The following DLG1 variants were observed in gnomAD, a reference collection of about 807,000 sequenced individuals.
DLG1 encodes discs large MAGUK scaffold protein 1.
In DLG1, 42 loss-of-function variants were observed where a neutral mutation model predicts 123.4. The ratio of observed to expected loss-of-function variants is 0.34; its 90% confidence interval spans 0.27 to 0.44. The LOEUF (loss-of-function observed/expected upper bound fraction) is 0.44. Among genes scored for constraint, DLG1 ranks in the 20% least tolerant of loss-of-function variants. The pLI is 1.00. For missense variants in DLG1, 942 were observed against 1,082.6 expected (o/e 0.87, Z 1.82); for synonymous variants, 317 against 356.2 (o/e 0.89, Z 1.24).
At chr3:197,069,003 A>G (rs1741640322) in intron 19 of DLG1, among the ~76,000 whole-genome samples, 1 of 122,702 alleles carries the variant, frequency 8.1e-6, no homozygotes. Context: ...ATGTACACAA[A>G]TAATATTTTT....
chr3:197,218,591 T>C (rs1002628984), intron 4 of DLG1, among the ~76,000 whole-genome samples: 5 of 152,224 alleles, frequency 3.3e-5, no homozygotes, highest in Admixed American at 1.3e-4. Context: ...GCAAGACTAA[T>C]AAGCAATCAG....
At chr3:197,110,110 C>A (rs912076425) in intron 13 of DLG1, among the ~76,000 whole-genome samples, 1 of 152,142 alleles carries the variant, frequency 6.6e-6, no homozygotes, top group Non-Finnish European at 1.5e-5. Flanking sequence ...CTTTCACATA[C>A]TCCCATTATG....
intron 4 of DLG1, among the ~76,000 whole-genome samples, chr3:197,207,894 C>T (rs1434630811): frequency 1.4e-5 from 2 of 144,180 alleles, no homozygotes; most frequent in East Asian, 4.0e-4. Context: ...TAACAAAGAC[C>T]TATATAGCTG....
chr3:197,075,076 GA>G (rs1415587885), intron 18 of DLG1, among the ~76,000 whole-genome samples: 1 of 151,836 alleles, frequency 6.6e-6, no homozygotes, highest in Non-Finnish European at 1.5e-5. Context: ...TAAGCAATTT[GA>G]AAACATGCAA....
intron 4 of DLG1, among the ~76,000 whole-genome samples, chr3:197,208,919 A>G (rs1729971210): frequency 6.8e-6 from 1 of 146,254 alleles, no homozygotes. Flanking sequence ...AATGAAAAAA[A>G]TTTTAATGAG....
chr3:197,181,744 TC>T (rs1712136618), intron 5 of DLG1, among the ~76,000 whole-genome samples: 2 of 150,930 alleles, frequency 1.3e-5, no homozygotes, highest in Admixed American at 6.6e-5. Context: ...ACCCTAATAC[TC>T]CTATTTCTAG....
At chr3:197,139,338 A>G (rs1786767788) in intron 8 of DLG1, among the ~76,000 whole-genome samples, 1 of 152,180 alleles carries the variant, frequency 6.6e-6, no homozygotes, top group South Asian at 2.1e-4. Flanking sequence ...ATTAATTTTT[A>G]TATCTATTTG....
chr3:197,167,342 C>T (rs1353704961), intron 5 of DLG1, among the ~76,000 whole-genome samples: 2 of 152,276 alleles, frequency 1.3e-5, no homozygotes, highest in Non-Finnish European at 2.9e-5. Flanking sequence ...CCAAGTGAAA[C>T]GTCCATTCCA....
intron 14 of DLG1, among the ~76,000 whole-genome samples, chr3:197,093,991 C>T (rs1759252116): frequency 6.6e-6 from 1 of 152,180 alleles, no homozygotes; most frequent in Admixed American, 6.5e-5. Context: ...AAGCTTTTGC[C>T]TGGTTCTTCT....
At chr3:197,061,912 T>G (rs1378684803) in intron 22 of DLG1, among the ~76,000 whole-genome samples, 3 of 152,230 alleles carry the variant, frequency 2.0e-5, no homozygotes, top group Non-Finnish European at 4.4e-5. Flanking sequence ...ACTTTGAGAC[T>G]ATATAAATAT....
intron 22 of DLG1, 145 bp downstream of exon 22, chr3:197,065,131 T>C (rs1560423477): frequency 1.0e-5 from 7 of 685,210 alleles, no homozygotes; most frequent in Non-Finnish European, 1.3e-5. Context: ...TGCACTTTCC[T>C]AAGCCATGGA....
chr3:197,274,005 A>G (rs1765201859), intron 4 of DLG1, among the ~76,000 whole-genome samples: 1 of 152,210 alleles, frequency 6.6e-6, no homozygotes, highest in Non-Finnish European at 1.5e-5. Flanking sequence ...GGAAAAACTA[A>G]TATTGTTAAA....
At chr3:197,066,595 T>TAAA in intron 20 of DLG1, 109 bp downstream of exon 20, 1 of 693,738 alleles carries the variant, frequency 1.4e-6, no homozygotes, top group South Asian at 2.3e-5. Flanking sequence ...GTATATGTAG[T>TAAA]AAAAAAAAAT....
chr3:197,166,421 A>C (rs556639952), intron 5 of DLG1, among the ~76,000 whole-genome samples: 1 of 152,328 alleles, frequency 6.6e-6, no homozygotes, highest in South Asian at 2.1e-4. Context: ...GTATTGGTAT[A>C]AACAGTTTTC....
intron 19 of DLG1, chr3:197,068,530 C>G (rs1207421247): frequency 2.5e-6 from 4 of 1,580,812 alleles, no homozygotes; most frequent in Non-Finnish European, 3.4e-6. Flanking sequence ...CATCTGTAAT[C>G]AAGATTACTT....
chr3:197,261,436 T>C (rs954836594), intron 4 of DLG1, among the ~76,000 whole-genome samples: 3 of 152,234 alleles, frequency 2.0e-5, no homozygotes, highest in Non-Finnish European at 4.4e-5. Context: ...GGTGAGATCC[T>C]GTCTGTAAAA....
Position 197,043,757 on chromosome 3 carries a change from T to C in DLG1, c.*866A>G, listed in dbSNP as rs1377006738. 2 of 152,046 alleles carry C rather than the reference T, an allele frequency of 1.3e-5. No individual in the cohort carries two copies. The highest frequency in any genetic ancestry group is 1.9e-4 in the East Asian group (1 of 5,198). The allele number at this position is 152,046 out of a possible 1,614,324, so 9.4% of individuals were successfully genotyped here. A position where few individuals can be genotyped will look rare whatever the true frequency, so the allele number is the denominator to read the frequency against. On this transcript the variant is annotated 3_prime_UTR_variant, in exon 25 of 25. Transcript: ENST00000667157. ...AGAATACATTTGAAGTTTTAGGCTATGAATTGGACTCCTTTCCATTGCCAT... is the reference window on the plus strand; with the variant it reads ...AGAATACATTTGAAGTTTTAGGCTACGAATTGGACTCCTTTCCATTGCCAT...
At chr3:197,070,074 T>C (rs1742548294) in intron 18 of DLG1, 3 of 152,184 alleles carry the variant, frequency 2.0e-5, no homozygotes, top group Admixed American at 2.0e-4. Context: ...CACGACTTTA[T>C]TGTTTGGTAA....
chr3:197,158,566 G>A (rs892115103), intron 5 of DLG1, among the ~76,000 whole-genome samples: 1 of 149,110 alleles, frequency 6.7e-6, no homozygotes, highest in Non-Finnish European at 1.5e-5. Context: ...CCCGGGAGGT[G>A]GAGGCTGTGG....
Sources: allele counts gnomAD v4.1 joint callset (sites outside exome capture counted in the v4.1 genomes callset), GRCh38; gene constraint gnomAD v4.1.1; transcripts MANE v1.5; gene names NCBI Gene and HGNC (gene_info 2026-07-23, HGNC 2026-07-21).